Variants in ELP3 observed in about 807,000 individuals in gnomAD.
ELP3 encodes the protein elongator complex protein 3.
In ELP3, 56 loss-of-function variants were observed where a neutral mutation model predicts 74.9. That is an observed-to-expected ratio of 0.75 (90% CI 0.60 to 0.93). The LOEUF is 0.93. Ranked by LOEUF, ELP3 falls within the 40% of genes least tolerant of loss-of-function variation. ELP3 has a pLI of 0.00. For synonymous variants in ELP3, 222 were observed against 239.8 expected (o/e 0.93, Z 0.68); for missense variants, 573 against 686.5 (o/e 0.83, Z 1.85).
intron 12 of ELP3, among the ~76,000 whole-genome samples, chr8:28,159,970 C>CTT (rs1054530248): frequency 3.3e-5 from 5 of 152,170 alleles, no homozygotes; most frequent in African/African-American, 1.2e-4. Flanking sequence ...AGCTGGATCT[C>CTT]TGTAAGAGTC....
intron 14 of ELP3, among the ~76,000 whole-genome samples, chr8:28,189,218 T>A (rs977366700): frequency 6.6e-6 from 1 of 152,232 alleles, no homozygotes; most frequent in Non-Finnish European, 1.5e-5. Flanking sequence ...TCTTCTCTCT[T>A]TAAAACTTCT....
chr8:28,094,540 G>GA (rs1811176131), intron 1 of ELP3, among the ~76,000 whole-genome samples: 1 of 152,192 alleles, frequency 6.6e-6, no homozygotes, highest in Admixed American at 6.5e-5. Context: ...CCAACGTGGT[G>GA]AAACCCTGTC....
chr8:28,128,644 G>A (rs1441906012), intron 7 of ELP3, among the ~76,000 whole-genome samples: 1 of 152,178 alleles, frequency 6.6e-6, no homozygotes, highest in East Asian at 1.9e-4. Context: ...TGAACATGCT[G>A]TTTACTCCCT....
chr8:28,150,101 G>C (rs1019533375), intron 10 of ELP3, among the ~76,000 whole-genome samples: 5 of 151,992 alleles, frequency 3.3e-5, no homozygotes, highest in African/African-American at 1.2e-4. Context: ...CCTCCCTCCT[G>C]TCCTGTGTGT....
At chr8:28,188,558 G>A (rs1342390074) in intron 14 of ELP3, among the ~76,000 whole-genome samples, 1 of 152,112 alleles carries the variant, frequency 6.6e-6, no homozygotes, top group Non-Finnish European at 1.5e-5. Context: ...TAAAAGATGG[G>A]GTTCAGAGAA....
intron 10 of ELP3, among the ~76,000 whole-genome samples, chr8:28,138,935 T>G (rs991541046): frequency 3.3e-5 from 5 of 152,204 alleles, no homozygotes; most frequent in African/African-American, 1.2e-4. Flanking sequence ...TGAAATTGCT[T>G]GTGTGGCCCT....
intron 12 of ELP3, among the ~76,000 whole-genome samples, chr8:28,159,040 C>T (rs2130545831): frequency 6.6e-6 from 1 of 152,274 alleles, no homozygotes; most frequent in African/African-American, 2.4e-5. Flanking sequence ...TTGGGAAGAG[C>T]ATAGTATGAT....
intron 8 of ELP3, among the ~76,000 whole-genome samples, chr8:28,132,053 A>G (rs913700804): frequency 1.3e-5 from 2 of 152,192 alleles, no homozygotes; most frequent in African/African-American, 4.8e-5. Flanking sequence ...TCTCAGAAAT[A>G]AAGTTATTTA....
intron 9 of ELP3, 42 bp downstream of exon 9, chr8:28,132,446 A>G: frequency 6.2e-7 from 1 of 1,612,892 alleles, no homozygotes; most frequent in Non-Finnish European, 8.5e-7. Context: ...ATGGCTCTGC[A>G]TGTTTCTTAT....
chr8:28,134,003 G>A (rs944728568), intron 9 of ELP3, among the ~76,000 whole-genome samples: 9 of 151,974 alleles, frequency 5.9e-5, no homozygotes, highest in East Asian at 1.9e-4. Flanking sequence ...TGTGCACAAC[G>A]TGCAGGTTTG....
chr8:28,132,496 C>T, intron 9 of ELP3, 92 bp downstream of exon 9: 1 of 1,536,048 alleles, frequency 6.5e-7, no homozygotes, highest in Non-Finnish European at 8.9e-7. Context: ...TGATGTTTTC[C>T]AGTGTTAAAG....
intron 3 of ELP3, among the ~76,000 whole-genome samples, chr8:28,101,590 C>CTT (rs11406521): frequency 0.019 from 2,784 of 143,004 alleles, 87 homozygotes; most frequent in African/African-American, 0.065. Context: ...TCTTGACTTT[C>CTT]TTTTTTTTTT....
chr8:28,094,313 T>A (rs1811167231), intron 1 of ELP3, among the ~76,000 whole-genome samples: 1 of 152,260 alleles, frequency 6.6e-6, no homozygotes, highest in African/African-American at 2.4e-5. Context: ...CTAACTAATA[T>A]TTGAATGGTA....
At chr8:28,175,519 T>C (rs963213660) in intron 14 of ELP3, among the ~76,000 whole-genome samples, 7 of 152,236 alleles carry the variant, frequency 4.6e-5, no homozygotes, top group Admixed American at 2.6e-4. Context: ...TAGTATCCCC[T>C]TGATATCCTT....
rs576972393 is a variant in ELP3 at position 28,190,155 on chromosome 8, A to G, written c.*430A>G. ...CAGAAAGTCAGGTTGAAACAGGAAA[A>G]CCACCAGACTCTAATCTCAGCCCTT... On this transcript the variant is annotated 3_prime_UTR_variant, in exon 15 of 15. Coordinates refer to ENST00000256398, the MANE Select transcript of ELP3 (RefSeq NM_018091.6). The G allele has an allele frequency of 1.6e-3, 246 of 158,082 alleles. 1 individual carries two copies. In the South Asian group the frequency reaches 0.017, roughly 11 times the overall value. The allele number at this position is 158,082 out of a possible 1,614,324, so 9.8% of individuals were successfully genotyped here.
At chr8:28,172,628 G>T (rs770868344) in intron 14 of ELP3, among the ~76,000 whole-genome samples, 1 of 151,934 alleles carries the variant, frequency 6.6e-6, no homozygotes, top group South Asian at 2.1e-4. Flanking sequence ...TCCAATTTGG[G>T]TGCCTTTCAT....
chr8:28,119,608 A>G (rs1454060709), intron 7 of ELP3, among the ~76,000 whole-genome samples: 5 of 123,612 alleles, frequency 4.0e-5, no homozygotes, highest in East Asian at 2.2e-4. Context: ...ATATATATAT[A>G]TATATATATA....
At chr8:28,156,970 C>T (rs1490825703) in intron 11 of ELP3, among the ~76,000 whole-genome samples, 4 of 152,098 alleles carry the variant, frequency 2.6e-5, no homozygotes. Context: ...GCAAAGGACA[C>T]CAAACAAGAT....
At chr8:28,143,544 A>G (rs1813324187) in intron 10 of ELP3, among the ~76,000 whole-genome samples, 1 of 152,196 alleles carries the variant, frequency 6.6e-6, no homozygotes. Flanking sequence ...TTCATGTTCC[A>G]TTTCCTAAGG....
Sources: allele counts gnomAD v4.1 joint callset (sites outside exome capture counted in the v4.1 genomes callset), GRCh38; gene constraint gnomAD v4.1.1; transcripts MANE v1.5; gene names NCBI Gene and HGNC (gene_info 2026-07-23, HGNC 2026-07-21).